FRMD6: variants seen among roughly 807,000 people sequenced by gnomAD.
FRMD6 encodes the protein FERM domain-containing protein 6.
In FRMD6, 37 loss-of-function variants were observed where a neutral mutation model predicts 73.2. The ratio of observed to expected loss-of-function variants is 0.51; its 90% CI spans 0.39 to 0.66. The LOEUF (loss-of-function observed/expected upper bound fraction) is 0.66. Among genes scored for constraint, FRMD6 ranks in the 30% least tolerant of loss-of-function variants. The probability of loss-of-function intolerance (pLI) is 0.00; values close to 1 mark genes in which losing one functional copy is unlikely to be tolerated. For synonymous variants in FRMD6, 273 were observed against 282.2 expected, an observed-to-expected ratio of 0.97 and a Z score of 0.33; for missense variants, 714 against 780.5, an observed-to-expected ratio of 0.91 and a Z score of 1.02.
the FRMD6 span, among the ~76,000 whole-genome samples, chr14:51,411,639 T>G: frequency 1.8e-4 from 27 of 152,362 alleles, no homozygotes; most frequent in Non-Finnish European, 1.5e-5. Flanking sequence ...GGTTTGATAA[T>G]TTGAATGAGT....
chr14:51,704,461 T>A (rs980444353), intron 5 of FRMD6, among the ~76,000 whole-genome samples: 1 of 152,072 alleles, frequency 6.6e-6, no homozygotes, highest in African/African-American at 2.4e-5. Context: ...CATTTTAGAG[T>A]GGAATGATTC....
chr14:51,502,537 C>G (rs558341216), intron 1 of FRMD6, among the ~76,000 whole-genome samples: 40 of 152,210 alleles, frequency 2.6e-4, no homozygotes, highest in African/African-American at 7.2e-4. Context: ...TCTGAGTTCT[C>G]TATTCGTTCC....
chr14:51,546,298 C>T lies in FRMD6; in HGVS notation c.-209-24050C>T, dbSNP rs188759298. On this transcript the variant is annotated intron_variant, in intron 1 of 14. Coordinates refer to the FRMD6 transcript ENST00000356218. ...TTCTCTGGCTTCTATTAGATTATTGCTATTTCCAGTCTCCACGTGGCAGCC... is the reference window on the plus strand; with the variant it reads ...TTCTCTGGCTTCTATTAGATTATTGTTATTTCCAGTCTCCACGTGGCAGCC... 3.1e-4 allele frequency among the ~76,000 whole-genome samples: 47 copies of T among 152,050 alleles called. No homozygotes were observed. The East Asian group carries it at 5.8e-3, about 19-fold the overall frequency.
chr14:51,647,210 A>T (rs1035017692), upstream of FRMD6, among the ~76,000 whole-genome samples: 1 of 152,048 alleles, frequency 6.6e-6, no homozygotes, highest in Non-Finnish European at 1.5e-5. Context: ...AATGAATTTA[A>T]TTTTTTCAAC....
the FRMD6 span, chr14:51,437,059 C>A: frequency 2.3e-6 from 1 of 429,528 alleles, no homozygotes; most frequent in Non-Finnish European, 4.3e-6. Context: ...CATAGGTATA[C>A]ATTGCCATGT....
At chr14:51,710,267 T>C (rs1896871086) in intron 7 of FRMD6, among the ~76,000 whole-genome samples, 1 of 152,104 alleles carries the variant, frequency 6.6e-6, no homozygotes, top group Admixed American at 6.6e-5. Context: ...TTTTATTCTT[T>C]GGAGAAATTC....
At chr14:51,524,211 T>C (rs1405428248) in intron 1 of FRMD6, among the ~76,000 whole-genome samples, 1 of 152,198 alleles carries the variant, frequency 6.6e-6, no homozygotes, top group African/African-American at 2.4e-5. Context: ...GCATGTCCTT[T>C]GGGCAAGTGG....
chr14:51,628,618 G>T (rs1405129769), intron 2 of FRMD6, among the ~76,000 whole-genome samples: 1 of 151,760 alleles, frequency 6.6e-6, no homozygotes, highest in Non-Finnish European at 1.5e-5. Flanking sequence ...TTCAAGACCA[G>T]CCAGGCCAAC....
At chr14:51,398,188 T>C in the FRMD6 span, among the ~76,000 whole-genome samples, 5 of 152,234 alleles carry the variant, frequency 3.3e-5, no homozygotes, top group Admixed American at 1.3e-4. Flanking sequence ...ATTTTGAAAC[T>C]AGTCATTTAA....
At chr14:51,700,165 G>T (rs958624000) in intron 3 of FRMD6, among the ~76,000 whole-genome samples, 1 of 151,892 alleles carries the variant, frequency 6.6e-6, no homozygotes, top group East Asian at 1.9e-4. Context: ...AGAGCTTTCC[G>T]TGAAGATGTC....
intron 2 of FRMD6, chr14:51,599,790 C>T (rs1409765933): frequency 6.6e-6 from 1 of 151,310 alleles, no homozygotes; most frequent in Non-Finnish European, 1.5e-5. Flanking sequence ...ATACCACCCC[C>T]CAGGTAAAAT....
At chr14:51,662,386 G>A (rs527435591) in intron 1 of FRMD6, among the ~76,000 whole-genome samples, 44 of 152,216 alleles carry the variant, frequency 2.9e-4, no homozygotes, top group African/African-American at 1.0e-3. Flanking sequence ...AGGCAACATG[G>A]TACCATCTTC....
chr14:51,429,157 T>G, the FRMD6 span, among the ~76,000 whole-genome samples: 1 of 152,200 alleles, frequency 6.6e-6, no homozygotes, highest in Non-Finnish European at 1.5e-5. Context: ...GAAGTCATCT[T>G]TGATTCTCCA....
At chr14:51,407,119 A>C in the FRMD6 span, among the ~76,000 whole-genome samples, 3 of 152,130 alleles carry the variant, frequency 2.0e-5, no homozygotes, top group Admixed American at 2.0e-4. Flanking sequence ...TCTGATAATA[A>C]GGAAAATGTA....
In FRMD6 at chr14:51,728,715, T is replaced by G. The variant is rs1277779639; in HGVS notation, c.*686T>G. Reference sequence around the variant, plus strand: ...TGTGATCTTCCAGAAAGCTCCAGGATTCATTTGAGTTCCACATCCAAGTAA... The same window carrying G: ...TGTGATCTTCCAGAAAGCTCCAGGAGTCATTTGAGTTCCACATCCAAGTAA... On this transcript the variant is annotated 3_prime_UTR_variant, in exon 14 of 14. Coordinates refer to ENST00000344768, the MANE Select transcript of FRMD6 (RefSeq NM_001267046.2). The G allele has an allele frequency of 6.5e-6, 1 of 152,680 alleles. No homozygotes were observed. The highest frequency in any genetic ancestry group is 1.5e-5 in the Non-Finnish European group (1 of 68,048). 9.5% of individuals were successfully genotyped at this position (152,680 alleles called of 1,614,324 possible). A position where few individuals can be genotyped will look rare whatever the true frequency, so the allele number is the denominator to read the frequency against.
chr14:51,396,750 G>C, the FRMD6 span, among the ~76,000 whole-genome samples: 1 of 152,178 alleles, frequency 6.6e-6, no homozygotes, highest in Non-Finnish European at 1.5e-5. Flanking sequence ...TGTTTGGGGA[G>C]TCTGTAGGCC....
At chr14:51,492,391 C>A (rs563384415) in intron 1 of FRMD6, among the ~76,000 whole-genome samples, 2 of 152,198 alleles carry the variant, frequency 1.3e-5, no homozygotes, top group Admixed American at 6.5e-5. Flanking sequence ...ATAGGCAAAT[C>A]TTCTGTAATG....
chr14:51,461,037 A>G, the FRMD6 span, among the ~76,000 whole-genome samples: 1 of 152,342 alleles, frequency 6.6e-6, no homozygotes, highest in East Asian at 1.9e-4. Context: ...TTGCTTTTAT[A>G]GATCCAAAGA....
At chr14:51,560,042 C>CT (rs1190911412) in intron 1 of FRMD6, among the ~76,000 whole-genome samples, 1 of 149,040 alleles carries the variant, frequency 6.7e-6, no homozygotes, top group Non-Finnish European at 1.5e-5. Context: ...TATTTTGAAG[C>CT]TTTTCTATCC....
Sources: allele counts gnomAD v4.1 joint callset (sites outside exome capture counted in the v4.1 genomes callset), GRCh38; gene constraint gnomAD v4.1.1; transcripts MANE v1.5; gene names NCBI Gene and HGNC (gene_info 2026-07-23, HGNC 2026-07-21).